TENM2: variants seen among roughly 807,000 people sequenced by gnomAD.
TENM2 encodes the protein teneurin transmembrane protein 2.
TENM2 carries 52 observed loss-of-function variants against 245.2 expected under a neutral mutation model. The ratio of observed to expected loss-of-function variants is 0.21; its 90% CI spans 0.17 to 0.27. TENM2 has a LOEUF of 0.27. Among genes scored for constraint, TENM2 ranks in the 10% least tolerant of loss-of-function variants. The pLI, the probability that TENM2 is intolerant of heterozygous loss-of-function variation, is 1.00. For missense variants in TENM2, 3,046 were observed against 3,666.8 expected (o/e 0.83, Z 4.37); for synonymous variants, 1,363 against 1,438.9 (o/e 0.95, Z 1.19).
At chr5:167,401,498 T>A (rs2127386532) in intron 2 of TENM2, among the ~76,000 whole-genome samples, 1 of 152,260 alleles carries the variant, frequency 6.6e-6, no homozygotes, top group Admixed American at 6.5e-5. Flanking sequence ...GTCTTTAAAT[T>A]TTTAAAAGGA....
At chr5:167,265,403 G>T in the TENM2 span, among the ~76,000 whole-genome samples, 4 of 150,896 alleles carry the variant, frequency 2.7e-5, no homozygotes, top group Non-Finnish European at 4.4e-5. Context: ...CTCGATGAAT[G>T]CTAGAATATT....
the TENM2 span, among the ~76,000 whole-genome samples, chr5:167,192,491 T>A: frequency 6.6e-6 from 1 of 151,806 alleles, no homozygotes; most frequent in Non-Finnish European, 1.5e-5. Context: ...GGAGTGTAGG[T>A]AAGGTCTATA....
At chr5:167,965,569 G>A (rs1781329468) in intron 4 of TENM2, 1 of 147,788 alleles carries the variant, frequency 6.8e-6, no homozygotes, top group African/African-American at 2.5e-5. Flanking sequence ...GTGATAGCGT[G>A]AGATTCCATC....
chr5:167,864,542 C>A (rs1282129231), intron 2 of TENM2, among the ~76,000 whole-genome samples: 1 of 152,164 alleles, frequency 6.6e-6, no homozygotes, highest in African/African-American at 2.4e-5. Context: ...TGCCCAAGGT[C>A]TCCCAGAGAA....
intron 2 of TENM2, among the ~76,000 whole-genome samples, chr5:167,470,740 A>G (rs1766972126): frequency 6.6e-6 from 1 of 152,024 alleles, no homozygotes; most frequent in Non-Finnish European, 1.5e-5. Context: ...ATGCCTGGTC[A>G]TGGAGTTGTG....
At chr5:167,678,503 AGTCTGTGTTTCTGT>A (rs1285115970) in intron 2 of TENM2, among the ~76,000 whole-genome samples, 1 of 152,098 alleles carries the variant, frequency 6.6e-6, no homozygotes, top group Non-Finnish European at 1.5e-5. Flanking sequence ...CTCCCACCGG[AGTCTGTGTTTCTGT>A]CACAGCACTT....
intron 2 of TENM2, among the ~76,000 whole-genome samples, chr5:167,738,797 G>A (rs1760978143): frequency 1.3e-5 from 2 of 152,158 alleles, no homozygotes; most frequent in African/African-American, 4.8e-5. Context: ...CATCCCTGGT[G>A]TTTCTCTGTG....
chr5:167,543,459 G>T (rs1179451359), intron 2 of TENM2, among the ~76,000 whole-genome samples: 2 of 152,034 alleles, frequency 1.3e-5, no homozygotes, highest in Non-Finnish European at 1.5e-5. Flanking sequence ...TGGCCACCTT[G>T]GTAAACAACC....
At chr5:167,730,833 C>A (rs550477762) in intron 2 of TENM2, among the ~76,000 whole-genome samples, 2 of 152,188 alleles carry the variant, frequency 1.3e-5, no homozygotes, top group Non-Finnish European at 2.9e-5. Context: ...CTGGCTGTTA[C>A]ATTTATCCTT....
chr5:167,269,673 A>C, the TENM2 span, among the ~76,000 whole-genome samples: 2 of 151,870 alleles, frequency 1.3e-5, no homozygotes, highest in Non-Finnish European at 2.9e-5. Flanking sequence ...ATTGCATTCC[A>C]CTCTGAAAGT....
intron 2 of TENM2, among the ~76,000 whole-genome samples, chr5:167,739,191 A>G (rs907043851): frequency 3.9e-5 from 6 of 152,200 alleles, no homozygotes; most frequent in Admixed American, 1.3e-4. Context: ...TGTTCTAGCC[A>G]TGGGTAGGGT....
the TENM2 span, among the ~76,000 whole-genome samples, chr5:167,156,241 A>G: frequency 2.0e-5 from 3 of 152,178 alleles, no homozygotes; most frequent in South Asian, 4.1e-4. Flanking sequence ...AGGGTGCACA[A>G]CTATTGCTCC....
chr5:167,963,509 A>G (rs1434434377), intron 4 of TENM2, among the ~76,000 whole-genome samples: 1 of 152,216 alleles, frequency 6.6e-6, no homozygotes, highest in African/African-American at 2.4e-5. Context: ...GGTTGATTAT[A>G]ATTTAGTCAC....
At chr5:167,101,110 C>T in the TENM2 span, among the ~76,000 whole-genome samples, 2 of 152,276 alleles carry the variant, frequency 1.3e-5, no homozygotes, top group South Asian at 4.1e-4. Context: ...TTGGTTGAAG[C>T]TTTGAATGTC....
chr5:167,407,647 A>C lies in TENM2; in HGVS notation c.502+32174A>C, dbSNP rs567325156. On this transcript the variant is annotated intron_variant, in intron 2 of 28. Transcript: ENST00000518659. ...AGCCTGGCCAACATGGTGAAATCCCATCTCTACTAAAAATACAAAAATTAG... is the reference window on the plus strand; with the variant it reads ...AGCCTGGCCAACATGGTGAAATCCCCTCTCTACTAAAAATACAAAAATTAG... Among the ~76,000 whole-genome samples the C allele has an allele frequency of 5.9e-5, 9 of 152,210 alleles. No homozygotes were observed. The East Asian group carries it at 1.7e-3, about 30-fold the overall frequency.
At chr5:167,536,212 A>G (rs1036340822) in intron 2 of TENM2, among the ~76,000 whole-genome samples, 2 of 152,182 alleles carry the variant, frequency 1.3e-5, no homozygotes, top group Non-Finnish European at 2.9e-5. Flanking sequence ...TTGATAAGCT[A>G]TAATATACAA....
intron 9 of TENM2, among the ~76,000 whole-genome samples, chr5:168,103,840 C>T (rs780156213): frequency 3.3e-5 from 5 of 152,110 alleles, no homozygotes; most frequent in Non-Finnish European, 2.9e-5. Flanking sequence ...AACTTTTGGG[C>T]TTAAGAAGCA....
intron 3 of TENM2, among the ~76,000 whole-genome samples, chr5:167,889,025 C>T (rs921249588): frequency 3.9e-5 from 6 of 152,124 alleles, no homozygotes; most frequent in Non-Finnish European, 5.9e-5. Flanking sequence ...AGTGATCAAT[C>T]GTTCTTCTTT....
chr5:167,885,865 G>T (rs887281307), intron 3 of TENM2, among the ~76,000 whole-genome samples: 1 of 152,100 alleles, frequency 6.6e-6, no homozygotes, highest in East Asian at 1.9e-4. Context: ...TGCATTTTTA[G>T]TAGAGACTGT....
Sources: gnomAD v4.1 joint callset for allele counts (sites outside exome capture counted in the v4.1 genomes callset) on GRCh38, gnomAD v4.1.1 for gene constraint, MANE v1.5 for transcripts, NCBI Gene and HGNC (gene_info 2026-07-23, HGNC 2026-07-21) for gene names.